Variants in WDPCP observed in about 807,000 individuals in gnomAD.
The protein encoded by WDPCP is WD repeat containing planar cell polarity effector, also known as WD repeat-containing and planar cell polarity effector protein fritz homolog.
A neutral mutation model predicts 93.1 loss-of-function variants in WDPCP; 71 were observed. That is an observed-to-expected ratio of 0.76 (90% CI 0.63 to 0.93). The LOEUF (loss-of-function observed/expected upper bound fraction) is 0.93. Among genes scored for constraint, WDPCP ranks in the 40% least tolerant of loss-of-function variants. The probability of loss-of-function intolerance (pLI) is 0.00; values close to 1 mark genes in which losing one functional copy is unlikely to be tolerated. For synonymous variants in WDPCP, 315 were observed against 315.0 expected (o/e 1.00, Z 0.00); for missense variants, 844 against 887.4 (o/e 0.95, Z 0.62).
At chr2:63,395,234 TA>T (rs1462215824) in intron 10 of WDPCP, among the ~76,000 whole-genome samples, 2 of 152,206 alleles carry the variant, frequency 1.3e-5, no homozygotes, top group African/African-American at 2.4e-5. Context: ...TTTTTTTATC[TA>T]AAAAATGTTT....
chr2:63,515,603 G>A (rs1465157777), intron 1 of WDPCP, among the ~76,000 whole-genome samples: 1 of 152,156 alleles, frequency 6.6e-6, no homozygotes, highest in Non-Finnish European at 1.5e-5. Context: ...TGGCAAATTT[G>A]GAAAATCGCC....
intron 14 of WDPCP, chr2:63,229,485 G>A (rs1270426593): frequency 6.6e-6 from 1 of 151,830 alleles, no homozygotes; most frequent in Non-Finnish European, 1.5e-5. Flanking sequence ...TGCTTTTGGT[G>A]TTTTAGACAT....
chr2:63,229,539 T>A (rs1450889892), intron 14 of WDPCP: 1 of 152,090 alleles, frequency 6.6e-6, no homozygotes, highest in African/African-American at 2.4e-5. Context: ...ATTGCCTAGG[T>A]TTTCTTCTAG....
At chr2:63,572,179 A>T (rs1707559702) in intron 1 of WDPCP, among the ~76,000 whole-genome samples, 1 of 152,134 alleles carries the variant, frequency 6.6e-6, no homozygotes, top group African/African-American at 2.4e-5. Flanking sequence ...CTCACTCCCT[A>T]CCACCATACT....
chr2:63,760,163 A>G (rs910403828), intron 2 of WDPCP, among the ~76,000 whole-genome samples: 6 of 152,216 alleles, frequency 3.9e-5, no homozygotes, highest in Admixed American at 3.9e-4. Context: ...ATTTGAAGAT[A>G]AAGTATTAAG....
At chr2:63,252,763 C>T (rs187763597) in intron 14 of WDPCP, among the ~76,000 whole-genome samples, 10 of 152,156 alleles carry the variant, frequency 6.6e-5, no homozygotes, top group African/African-American at 1.2e-4. Context: ...AAATCACAGA[C>T]GACACCAACA....
intron 14 of WDPCP, among the ~76,000 whole-genome samples, chr2:63,207,867 T>C (rs1238391967): frequency 6.6e-6 from 1 of 152,172 alleles, no homozygotes; most frequent in Non-Finnish European, 1.5e-5. Context: ...GTATGTTGGA[T>C]CTTCTTTGCC....
chr2:63,157,963 G>A (rs1672371686), intron 15 of WDPCP, among the ~76,000 whole-genome samples: 1 of 151,386 alleles, frequency 6.6e-6, no homozygotes, highest in African/African-American at 2.4e-5. Context: ...TGTTGACTGA[G>A]GCATTTCTTC....
intron 2 of WDPCP, among the ~76,000 whole-genome samples, chr2:63,750,433 T>TA (rs1026529972): frequency 3.2e-4 from 47 of 146,674 alleles, no homozygotes; most frequent in South Asian, 4.3e-4. Flanking sequence ...AGCATATACT[T>TA]AAAAAAAAAA....
intron 2 of WDPCP, among the ~76,000 whole-genome samples, chr2:63,793,886 G>A (rs1670578672): frequency 6.6e-6 from 1 of 151,716 alleles, no homozygotes; most frequent in South Asian, 2.1e-4. Flanking sequence ...GTGTGTGTGT[G>A]TGTGTGTGTG....
At chr2:63,130,902 A>G (rs1670248053) in intron 17 of WDPCP, among the ~76,000 whole-genome samples, 1 of 152,118 alleles carries the variant, frequency 6.6e-6, no homozygotes, top group South Asian at 2.1e-4. Flanking sequence ...ACATATTTAT[A>G]ATAATTATAT....
chr2:63,673,054 A>T (rs555721030), intron 2 of WDPCP, among the ~76,000 whole-genome samples: 1 of 152,288 alleles, frequency 6.6e-6, no homozygotes, highest in Non-Finnish European at 1.5e-5. Context: ...CTCTTGGCCC[A>T]TTTTAACCAT....
rs1304551489 is a variant in WDPCP at position 63,381,976 on chromosome 2, G to A, written c.1554C>T (p.His518=). ...TGGCGCTCATGCTGATAAAGCACTG[G>A]TGGCCCAGAGTGTCCCAGTTCATGC... is the stretch of plus-strand genomic sequence containing the variant. ...LSSMNWDTLG[H]QCFISMSAIV... Residue 518 remains histidine (H), a synonymous_variant, in exon 11 of 18, where the codon CAC becomes CAT. Coordinates refer to ENST00000272321, the MANE Select transcript of WDPCP (RefSeq NM_015910.7). 3.1e-6 allele frequency: 5 copies of A among 1,613,398 alleles called. No individual in the cohort carries two copies. The South Asian group carries it at 4.4e-5, about 14-fold the overall frequency.
chr2:63,260,246 A>G (rs1681514781), intron 13 of WDPCP, among the ~76,000 whole-genome samples: 1 of 152,218 alleles, frequency 6.6e-6, no homozygotes. Context: ...GTGAAAAATA[A>G]TACTGAACAA....
At chr2:63,392,570 A>G (rs1008770545) in intron 10 of WDPCP, among the ~76,000 whole-genome samples, 5 of 152,226 alleles carry the variant, frequency 3.3e-5, no homozygotes, top group Admixed American at 1.3e-4. Context: ...TCTGCACAGC[A>G]AAAGAAACTA....
chr2:63,830,441 C>T (rs572660618), upstream of WDPCP, among the ~76,000 whole-genome samples: 3 of 152,158 alleles, frequency 2.0e-5, no homozygotes, highest in South Asian at 4.2e-4. Flanking sequence ...TTATCCTCAT[C>T]CCTAAATGTT....
intron 9 of WDPCP, among the ~76,000 whole-genome samples, chr2:63,423,692 T>C (rs1424094853): frequency 1.3e-5 from 2 of 152,178 alleles, no homozygotes; most frequent in African/African-American, 4.8e-5. Flanking sequence ...CATCACGTGA[T>C]TGATACTGGT....
intron 1 of WDPCP, among the ~76,000 whole-genome samples, chr2:63,536,375 A>T (rs1388986787): frequency 3.3e-5 from 5 of 152,214 alleles, no homozygotes; most frequent in Non-Finnish European, 7.3e-5. Context: ...TACCCAAAGG[A>T]TTATAAATCA....
At chr2:63,706,534 T>C (rs1319617121) in intron 2 of WDPCP, among the ~76,000 whole-genome samples, 17 of 152,104 alleles carry the variant, frequency 1.1e-4, no homozygotes, top group Non-Finnish European at 2.1e-4. Flanking sequence ...GTAAAGTATT[T>C]TATTTCTCCT....
Sources: allele counts gnomAD v4.1 joint callset (sites outside exome capture counted in the v4.1 genomes callset), GRCh38; gene constraint gnomAD v4.1.1; transcripts MANE v1.5; gene names NCBI Gene and HGNC (gene_info 2026-07-23, HGNC 2026-07-21).